Variants in SUCLG2 observed in about 807,000 individuals in gnomAD.
SUCLG2 encodes the protein succinate-CoA ligase GDP-forming subunit beta.
In SUCLG2, 42 loss-of-function variants were observed where a neutral mutation model predicts 47.9. The ratio of observed to expected loss-of-function variants is 0.88; its 90% confidence interval spans 0.69 to 1.14. SUCLG2 has a LOEUF of 1.14. Ranked by LOEUF, SUCLG2 falls within the 50% of genes most tolerant of loss-of-function variation. The probability of loss-of-function intolerance (pLI) is 0.00; values close to 1 mark genes in which losing one functional copy is unlikely to be tolerated. For missense variants in SUCLG2, 571 were observed against 525.9 expected, an observed-to-expected ratio of 1.09 and a Z score of -0.84; for synonymous variants, 195 against 197.3, an observed-to-expected ratio of 0.99 and a Z score of 0.10.
chr3:67,501,115 G>C (rs117065857), intron 7 of SUCLG2, among the ~76,000 whole-genome samples: 1 of 152,120 alleles, frequency 6.6e-6, no homozygotes, highest in South Asian at 2.1e-4. Context: ...GTCCTGTGCC[G>C]ACTGTTAATT....
rs71109889 is a variant in SUCLG2 at position 67,457,684 on chromosome 3, C to CTTTTT, written c.1062+38109_1062+38113dup. On this transcript the variant is annotated intron_variant, in intron 9 of 10. Coordinates refer to ENST00000307227, the MANE Select transcript of SUCLG2 (RefSeq NM_003848.4). The stretch of plus-strand genomic sequence containing the variant: ...TATAACAACAAAAGAACAAAAGCAG[C>CTTTTT]TTTTTTTTTTTTTTTTTTTTTTTTT... Among the ~76,000 whole-genome samples, 624 of 65,340 alleles carry CTTTTT rather than the reference C, an allele frequency of 9.6e-3. 34 individuals carry two copies. Among genetic ancestry groups the CTTTTT allele is most frequent in the African/African-American group, 0.019 (250 of 13,178 alleles). 42.9% of individuals were successfully genotyped at this position (65,340 alleles called of 152,430 possible).
chr3:67,485,998 C>T (rs1300814550), intron 9 of SUCLG2, among the ~76,000 whole-genome samples: 1 of 152,124 alleles, frequency 6.6e-6, no homozygotes, highest in Admixed American at 6.5e-5. Context: ...CTCAGCTTGG[C>T]GTTGTGGCTC....
At chr3:67,630,604 G>A (rs763219698) in intron 1 of SUCLG2, among the ~76,000 whole-genome samples, 30 of 152,090 alleles carry the variant, frequency 2.0e-4, no homozygotes, top group Non-Finnish European at 3.8e-4. Flanking sequence ...ATCCTTGCTC[G>A]CAAGGCACTC....
chr3:67,446,554 C>T (rs1188486421), intron 9 of SUCLG2, among the ~76,000 whole-genome samples: 2 of 150,394 alleles, frequency 1.3e-5, no homozygotes, highest in African/African-American at 4.9e-5. Flanking sequence ...CTCACCCTCC[C>T]GAGTAGCTGG....
At chr3:67,446,416 CATTTTTTTTTTTT>C (rs1436419476) in intron 9 of SUCLG2, among the ~76,000 whole-genome samples, 19 of 78,342 alleles carry the variant, frequency 2.4e-4, no homozygotes, top group South Asian at 1.0e-3. Flanking sequence ...TACATATGTA[CATTTTTTTTTTTT>C]TTTTTTTTTT....
intron 9 of SUCLG2, among the ~76,000 whole-genome samples, chr3:67,450,045 T>C (rs1209012156): frequency 6.6e-6 from 1 of 151,850 alleles, no homozygotes; most frequent in Non-Finnish European, 1.5e-5. Flanking sequence ...TTTTTAAAAT[T>C]AACTAATTAA....
chr3:67,364,906 T>C (rs1120653), intron 10 of SUCLG2, among the ~76,000 whole-genome samples: 114,375 of 152,116 alleles, frequency 0.75, 43,464 homozygotes, highest in South Asian at 0.82. Context: ...TGGCACTGAA[T>C]AGTTATGAAC....
At chr3:67,427,645 C>T (rs115037560) in intron 9 of SUCLG2, among the ~76,000 whole-genome samples, 7,001 of 152,150 alleles carry the variant, frequency 0.046, 229 homozygotes, top group East Asian at 0.11. Flanking sequence ...CCATGGAGCA[C>T]GAGCCGAAGC....
At position 67,428,821 on chromosome 3, in the gene SUCLG2, C is replaced by T. The variant is rs150710418; in HGVS notation, c.1063-27970G>A. ...TGATGCATGCACAAGCTTCAGTAGC[C>T]GATTTGATCAAGTGGAAGAAAGGAT... On this transcript the variant is annotated intron_variant, in intron 9 of 10. Transcript: ENST00000307227. Among the ~76,000 whole-genome samples, 502 of 151,952 alleles carry T rather than the reference C, an allele frequency of 3.3e-3. 2 individuals carry two copies. The highest frequency in any genetic ancestry group is 0.011 in the African/African-American group (471 of 41,432).
intron 9 of SUCLG2, among the ~76,000 whole-genome samples, chr3:67,419,363 A>C (rs945745143): frequency 1.3e-5 from 2 of 152,192 alleles, no homozygotes; most frequent in Non-Finnish European, 2.9e-5. Flanking sequence ...CTGCCTATTC[A>C]TTAGGAAGGT....
At chr3:67,534,041 TG>T (rs1227434025) in intron 2 of SUCLG2, among the ~76,000 whole-genome samples, 1 of 152,190 alleles carries the variant, frequency 6.6e-6, no homozygotes, top group Non-Finnish European at 1.5e-5. Flanking sequence ...ATCAGAGATT[TG>T]AATCGTGTAT....
At chr3:67,498,101 A>G in intron 8 of SUCLG2, 33 bp downstream of exon 8, 1 of 1,572,302 alleles carries the variant, frequency 6.4e-7, no homozygotes, top group Non-Finnish European at 8.7e-7. Context: ...ATAAGAATCC[A>G]CAAAGCATTC....
chr3:67,473,952 C>T (rs1373168630), intron 9 of SUCLG2, among the ~76,000 whole-genome samples: 1 of 152,084 alleles, frequency 6.6e-6, no homozygotes, highest in African/African-American at 2.4e-5. Flanking sequence ...CTTGTGGTCA[C>T]TGAGTTTAAA....
chr3:67,523,379 G>A (rs1165197800), intron 4 of SUCLG2, among the ~76,000 whole-genome samples: 1 of 152,110 alleles, frequency 6.6e-6, no homozygotes, highest in Non-Finnish European at 1.5e-5. Flanking sequence ...CTCAGCACAT[G>A]GTGTTAGAAT....
intron 10 of SUCLG2, among the ~76,000 whole-genome samples, chr3:67,391,271 T>A (rs572737298): frequency 2.0e-5 from 3 of 152,296 alleles, no homozygotes; most frequent in African/African-American, 7.2e-5. Context: ...CTCCTCTGGG[T>A]GGACACTTTC....
At chr3:67,519,292 C>A (rs913084878) in intron 5 of SUCLG2, among the ~76,000 whole-genome samples, 1 of 152,134 alleles carries the variant, frequency 6.6e-6, no homozygotes, top group Non-Finnish European at 1.5e-5. Flanking sequence ...TTACCTTGCA[C>A]CCTGTGCTCC....
intron 9 of SUCLG2, among the ~76,000 whole-genome samples, chr3:67,474,995 C>A (rs1199929254): frequency 1.9e-5 from 2 of 104,422 alleles, no homozygotes; most frequent in Non-Finnish European, 4.4e-5. Context: ...TATTTCCTTT[C>A]CTGGTCTAAA....
chr3:67,506,616 C>A (rs1303612112), intron 7 of SUCLG2, among the ~76,000 whole-genome samples: 2 of 152,194 alleles, frequency 1.3e-5, no homozygotes, highest in Non-Finnish European at 2.9e-5. Context: ...CTCGTGACTG[C>A]TTCCCAAAGG....
chr3:67,557,919 C>A (rs1707204050), intron 2 of SUCLG2, among the ~76,000 whole-genome samples: 1 of 152,176 alleles, frequency 6.6e-6, no homozygotes, highest in African/African-American at 2.4e-5. Context: ...AAATAACAAT[C>A]AGTCCCTTGG....
Sources: gnomAD v4.1 joint callset for allele counts (sites outside exome capture counted in the v4.1 genomes callset) on GRCh38, gnomAD v4.1.1 for gene constraint, MANE v1.5 for transcripts, NCBI Gene and HGNC (gene_info 2026-07-23, HGNC 2026-07-21) for gene names.